The following EP300 variants were observed in gnomAD, a reference collection of about 807,000 sequenced individuals.
The protein encoded by EP300 is histone acetyltransferase p300.
Under a neutral mutation model 264.0 loss-of-function variants are expected in EP300, and 31 were observed. That is an observed-to-expected ratio of 0.12 (90% CI 0.09 to 0.16). The LOEUF (loss-of-function observed/expected upper bound fraction) is 0.16, where lower values mean the gene tolerates loss of function less well. Among genes scored for constraint, EP300 ranks in the 10% least tolerant of loss-of-function variants. The pLI is 1.00. For synonymous variants in EP300, 1,340 were observed against 1,045.4 expected, an observed-to-expected ratio of 1.28 and a Z score of -5.44; for missense variants, 2,766 against 3,052.9, an observed-to-expected ratio of 0.91 and a Z score of 2.21.
chr22:41,122,271 T>G (rs1431879213), intron 2 of EP300, among the ~76,000 whole-genome samples: 1 of 151,218 alleles, frequency 6.6e-6, no homozygotes, highest in African/African-American at 2.4e-5. Flanking sequence ...GTTTAAGTGA[T>G]TCTCCTGCCT....
intron 1 of EP300, among the ~76,000 whole-genome samples, chr22:41,093,334 C>T (rs903341866): frequency 1.3e-5 from 2 of 152,138 alleles, no homozygotes; most frequent in African/African-American, 2.4e-5. Flanking sequence ...AATTAGAGCT[C>T]GTAAGTGGGT....
chr22:41,173,731 G>A lies in EP300; in HGVS notation c.4726G>A (p.Val1576Ile), dbSNP rs926338099. ...CAAGAAGAAACCCGGGATGCCCAAT[G>A]TATCTAACGACCTCTCACAGAAACT... ...GNKKKPGMPN[V>I]SNDLSQKLYA... The change falls in exon 29 of 31, where the codon GTA (valine) becomes ATA (isoleucine). Residue 1576 changes from valine (V) to isoleucine (I), a missense_variant. Val to Ile is a conservative substitution (Grantham distance 29). Coordinates refer to ENST00000263253, the MANE Select transcript of EP300 (RefSeq NM_001429.4). The A allele has an allele frequency of 6.2e-7, 1 of 1,614,092 alleles. No homozygotes were observed. The highest frequency in any genetic ancestry group is 1.1e-5 in the South Asian group (1 of 91,088).
At chr22:41,095,196 C>T (rs948522213) in intron 1 of EP300, among the ~76,000 whole-genome samples, 3 of 150,406 alleles carry the variant, frequency 2.0e-5, no homozygotes, top group Admixed American at 6.7e-5. Context: ...AAATACTGTC[C>T]CTCTGTTAAC....
chr22:41,141,115 G>A lies in EP300; in HGVS notation c.1946G>A (p.Arg649Lys). 6.2e-7 allele frequency: 1 copy of A among 1,614,132 alleles called. No individual in the cohort carries two copies. The highest frequency in any genetic ancestry group is 8.5e-7 in the Non-Finnish European group (1 of 1,180,040). Residue 649 changes from arginine (R) to lysine (K), a missense_variant, in exon 10 of 31, where the codon AGG (arginine) becomes AAG (lysine). Physicochemically the swap from Arg to Lys is conservative, Grantham distance 26 (BLOSUM62 2). Transcript: ENST00000263253. ...KIQKELEEKR[R>K]TRLQKQNMLP... is the part of the protein sequence containing the mutation. ...CAGAAAGAACTAGAAGAAAAACGAA[G>A]GACCAGACTACAGAAGCAGAACATG...
intron 22 of EP300, among the ~76,000 whole-genome samples, chr22:41,164,584 C>T (rs945488906): frequency 2.0e-4 from 31 of 152,014 alleles, no homozygotes; most frequent in African/African-American, 7.0e-4. Flanking sequence ...TGGTGGTGCA[C>T]GCCTGTAATC....
chr22:41,149,990 C>T lies in EP300; in HGVS notation c.2609C>T (p.Pro870Leu), dbSNP rs540935486. The T allele has an allele frequency of 1.9e-4, 304 of 1,614,116 alleles. 3 individuals are homozygous for T. The South Asian group carries it at 3.2e-3, about 17-fold the overall frequency. Residue 870 changes from proline to leucine, a missense_variant, in exon 14 of 31, where the codon CCA (proline) becomes CTA (leucine). Pro to Leu is a moderately conservative substitution (Grantham distance 98). Coordinates refer to ENST00000263253, the MANE Select transcript of EP300 (RefSeq NM_001429.4). ...PAPVPTPPAM[P>L]PGPQSQALHP... ...CCTGTTCCTACACCTCCTGCCATGC[C>T]ACCTGGGCCACAGTCCCAGGCTCTA... is the stretch of plus-strand genomic sequence containing the variant.
intron 2 of EP300, among the ~76,000 whole-genome samples, chr22:41,122,971 A>G (rs1170426165): frequency 6.6e-6 from 1 of 152,090 alleles, no homozygotes; most frequent in Non-Finnish European, 1.5e-5. Flanking sequence ...AGAGGTTGGG[A>G]ATTATAATGA....
chr22:41,127,563 A>T lies in EP300; in HGVS notation c.983A>T (p.His328Leu). 6.2e-7 allele frequency: 1 copy of T among 1,614,246 alleles called. No individual in the cohort carries two copies. The highest frequency in any genetic ancestry group is 8.5e-7 in the Non-Finnish European group (1 of 1,180,038). The change falls in exon 4 of 31, where the codon CAT (histidine) becomes CTT (leucine). Residue 328 changes from histidine to leucine, a missense_variant. His to Leu is a moderately conservative substitution (Grantham distance 99, BLOSUM62 -3). Transcript: ENST00000263253. ...GCCCAAGGGATGGGTTCTGGAGCACATACAGCTGATCCAGAGAAGCGCAAG... is the reference window on the plus strand; with the variant it reads ...GCCCAAGGGATGGGTTCTGGAGCACTTACAGCTGATCCAGAGAAGCGCAAG... ...PVAQGMGSGA[H>L]TADPEKRKLI...
intron 2 of EP300, among the ~76,000 whole-genome samples, chr22:41,122,544 A>G (rs760188780): frequency 6.6e-6 from 1 of 151,994 alleles, no homozygotes; most frequent in Non-Finnish European, 1.5e-5. Context: ...CCACTTGTAA[A>G]TTACTTGTAA....
rs147304540 is a variant in EP300, at chr22:41,178,781, A to T, written c.7070A>T (p.Asn2357Ile). The change falls in exon 31 of 31, where the codon AAC becomes ATC. Residue 2357 changes from asparagine (N) to isoleucine (I), a missense_variant. Physicochemically the swap from Asn to Ile is moderately radical, Grantham distance 149. Coordinates refer to ENST00000263253, the MANE Select transcript of EP300 (RefSeq NM_001429.4). ...PHPGLVAAQA[N>I]PMEQGHFASP... ...CCTGGACTGGTAGCTGCCCAGGCCA[A>T]CCCCATGGAACAAGGGCATTTTGCC... The T allele has an allele frequency of 1.2e-6, 2 of 1,613,910 alleles. No homozygotes were observed. The highest frequency in any genetic ancestry group is 1.7e-6 in the Non-Finnish European group (2 of 1,180,014).
chr22:41,140,912 C>A lies in EP300; in HGVS notation c.1879-136C>A, dbSNP rs1329264177. The A allele has an allele frequency of 5.0e-6, 4 of 799,858 alleles. No homozygotes were observed. In the East Asian group the frequency reaches 1.1e-4, roughly 22 times the overall value. The allele number at this position is 799,858 out of a possible 1,614,324, so 49.5% of individuals were successfully genotyped here. On this transcript the variant is annotated intron_variant, in intron 9 of 30. Coordinates refer to ENST00000263253, the MANE Select transcript of EP300 (RefSeq NM_001429.4). The stretch of plus-strand genomic sequence containing the variant: ...AGATTCTCTACATAAGTTGAACTTT[C>A]CTTTCTAAATTGGCACCAGTTCTTA...
At chr22:41,154,555 T>A (rs1023281550) in intron 16 of EP300, among the ~76,000 whole-genome samples, 2 of 151,830 alleles carry the variant, frequency 1.3e-5, no homozygotes, top group Non-Finnish European at 2.9e-5. Flanking sequence ...TTTTTTATAT[T>A]TTTAGTAGAG....
intron 1 of EP300, among the ~76,000 whole-genome samples, chr22:41,104,487 G>A (rs563365239): frequency 1.9e-4 from 29 of 151,858 alleles, no homozygotes; most frequent in African/African-American, 5.5e-4. Flanking sequence ...ACAGGGTTTT[G>A]CCATGTTGGC....
intron 9 of EP300, 133 bp from the exon 10 acceptor site, chr22:41,140,915 T>C: frequency 1.2e-6 from 1 of 828,168 alleles, no homozygotes. Context: ...GAACTTTCCT[T>C]TCTAAATTGG....
chr22:41,148,100 G>A (rs2059022896), intron 12 of EP300, among the ~76,000 whole-genome samples, 154 bp downstream of exon 12: 1 of 152,098 alleles, frequency 6.6e-6, no homozygotes, highest in Admixed American at 6.6e-5. Context: ...CTAGAAAGCT[G>A]ACCAAAAAAC....
intron 2 of EP300, among the ~76,000 whole-genome samples, chr22:41,118,745 C>T (rs956212675): frequency 6.6e-6 from 1 of 151,606 alleles, no homozygotes; most frequent in African/African-American, 2.4e-5. Context: ...CGCTTGAGCC[C>T]AGGAGTTAAG....
At chr22:41,148,403 A>G (rs1338391711) in intron 12 of EP300, among the ~76,000 whole-genome samples, 1 of 152,068 alleles carries the variant, frequency 6.6e-6, no homozygotes. Flanking sequence ...GGGGTTCCTG[A>G]GCATTACTAC....
chr22:41,113,223 T>A (rs1170671323), intron 1 of EP300, among the ~76,000 whole-genome samples: 1 of 146,090 alleles, frequency 6.8e-6, no homozygotes. Flanking sequence ...CTATATGATT[T>A]CTTTTTTATT....
chr22:41,117,659 T>A lies in EP300; in HGVS notation c.567T>A (p.Asn189Lys). 1 of 1,614,184 alleles carries A rather than the reference T, an allele frequency of 6.2e-7. No homozygotes were observed. The highest frequency in any genetic ancestry group is 8.5e-7 in the Non-Finnish European group (1 of 1,180,030). Residue 189 changes from asparagine (N) to lysine (K), a missense_variant, in exon 2 of 31, where the codon AAT becomes AAA. Transcript: ENST00000263253. The stretch of plus-strand genomic sequence containing the variant: ...GCAATGGACAAGGGATAATGCCTAA[T>A]CAAGTCATGAACGGTTCAATTGGAG... Reference protein sequence around the residue: ...AAGNGQGIMPNQVMNGSIGAG... With the variant: ...AAGNGQGIMPKQVMNGSIGAG...
Sources: allele counts gnomAD v4.1 joint callset (sites outside exome capture counted in the v4.1 genomes callset), GRCh38; gene constraint gnomAD v4.1.1; transcripts MANE v1.5; gene names NCBI Gene and HGNC (gene_info 2026-07-23, HGNC 2026-07-21).